Variants in METTL15 observed in about 807,000 individuals in gnomAD.
The protein encoded by METTL15 is methyltransferase 15, mitochondrial 12S rRNA N4-cytidine, also known as 12S rRNA N(4)-cytidine methyltransferase METTL15.
In METTL15, 34 loss-of-function variants were observed where a neutral mutation model predicts 38.3. That is an observed-to-expected ratio of 0.89 (90% CI 0.68 to 1.18). The LOEUF (loss-of-function observed/expected upper bound fraction) is 1.18, where lower values mean the gene tolerates loss of function less well. Ranked by LOEUF, METTL15 falls within the 50% of genes most tolerant of loss-of-function variation. The pLI, the probability that METTL15 is intolerant of heterozygous loss-of-function variation, is 0.00. For missense variants in METTL15, 438 were observed against 498.4 expected (o/e 0.88, Z 1.15); for synonymous variants, 162 against 170.9 (o/e 0.95, Z 0.41).
intron 6 of METTL15, among the ~76,000 whole-genome samples, chr11:28,486,625 A>C (rs1851441655): frequency 2.0e-5 from 3 of 152,138 alleles, no homozygotes; most frequent in Non-Finnish European, 4.4e-5. Context: ...TAGGCCATCT[A>C]TGTGGTTGCC....
At chr11:28,145,577 G>A (rs1849853166) in intron 3 of METTL15, 1 of 151,780 alleles carries the variant, frequency 6.6e-6, no homozygotes, top group African/African-American at 2.4e-5. Flanking sequence ...CTGAATAAAG[G>A]GTCTTCTTTG....
chr11:28,409,108 C>T (rs576400822), intron 5 of METTL15, among the ~76,000 whole-genome samples: 9 of 152,158 alleles, frequency 5.9e-5, no homozygotes, highest in South Asian at 4.1e-4. Flanking sequence ...TCGGGCTGGG[C>T]GCAGTGGCTC....
At chr11:28,191,297 C>T (rs1402143045) in intron 3 of METTL15, among the ~76,000 whole-genome samples, 1 of 149,780 alleles carries the variant, frequency 6.7e-6, no homozygotes, top group African/African-American at 2.4e-5. Context: ...ATTTAAATTA[C>T]CCTTTCTTTC....
chr11:28,178,986 TTTC>T (rs1339268026), intron 3 of METTL15, among the ~76,000 whole-genome samples: 1 of 151,818 alleles, frequency 6.6e-6, no homozygotes, highest in East Asian at 1.9e-4. Flanking sequence ...TCACTTGTAT[TTTC>T]TTCTTGCACT....
At chr11:28,163,251 T>A in intron 3 of METTL15, 4 of 395,866 alleles carry the variant, frequency 1.0e-5, no homozygotes, top group Non-Finnish European at 1.3e-5. Flanking sequence ...TTTTGATGAT[T>A]AATTTGTTGA....
At chr11:28,435,389 C>T (rs559007701) in intron 6 of METTL15, among the ~76,000 whole-genome samples, 3 of 152,258 alleles carry the variant, frequency 2.0e-5, no homozygotes, top group African/African-American at 7.2e-5. Flanking sequence ...GTCACTGGTC[C>T]ATGGAAACTC....
intron 6 of METTL15, among the ~76,000 whole-genome samples, chr11:28,326,615 C>T (rs546103604): frequency 1.3e-5 from 2 of 152,026 alleles, no homozygotes; most frequent in African/African-American, 4.8e-5. Context: ...CTCACTCTGT[C>T]GCCCAGGCTG....
At chr11:28,320,357 A>C (rs1283347702) in intron 6 of METTL15, among the ~76,000 whole-genome samples, 1 of 151,978 alleles carries the variant, frequency 6.6e-6, no homozygotes, top group East Asian at 1.9e-4. Flanking sequence ...TCAGGAGTTC[A>C]AGACCAGCCT....
chr11:28,421,625 T>C (rs1003298814), intron 5 of METTL15, among the ~76,000 whole-genome samples: 10 of 152,004 alleles, frequency 6.6e-5, no homozygotes, highest in Non-Finnish European at 8.8e-5. Context: ...ATCATTTCAA[T>C]TGATGTGAAA....
At chr11:28,306,923 T>C (rs1485337277) in intron 6 of METTL15, among the ~76,000 whole-genome samples, 1 of 151,970 alleles carries the variant, frequency 6.6e-6, no homozygotes, top group Non-Finnish European at 1.5e-5. Context: ...ATTTGAAAAA[T>C]TATGGAATAT....
At chr11:28,194,047 G>A (rs1183554213) in intron 3 of METTL15, among the ~76,000 whole-genome samples, 2 of 151,748 alleles carry the variant, frequency 1.3e-5, no homozygotes, top group Admixed American at 6.6e-5. Context: ...CCTTCTCCCA[G>A]TCTCCAAAAT....
chr11:28,270,221 A>AT (rs1201386740), intron 4 of METTL15, among the ~76,000 whole-genome samples: 5 of 151,994 alleles, frequency 3.3e-5, no homozygotes, highest in African/African-American at 1.2e-4. Context: ...CCGTGTTGGC[A>AT]TTTTTTTGTA....
intron 3 of METTL15, among the ~76,000 whole-genome samples, chr11:28,207,547 C>G (rs1421338453): frequency 1.3e-5 from 2 of 152,062 alleles, no homozygotes; most frequent in South Asian, 2.1e-4. Context: ...CAGGGTTCAT[C>G]AAGGATATTG....
intron 4 of METTL15, among the ~76,000 whole-genome samples, chr11:28,219,483 A>C (rs896870793): frequency 3.3e-5 from 5 of 151,802 alleles, no homozygotes; most frequent in Non-Finnish European, 5.9e-5. Flanking sequence ...GCAGTCTATC[A>C]ATTTTGTTGA....
At chr11:28,319,673 A>G (rs976928898) in intron 6 of METTL15, among the ~76,000 whole-genome samples, 3 of 152,176 alleles carry the variant, frequency 2.0e-5, no homozygotes, top group East Asian at 1.9e-4. Context: ...AACAAAATCT[A>G]CCTCTGGTAT....
At chr11:28,171,829 T>C (rs1455762161) in intron 3 of METTL15, among the ~76,000 whole-genome samples, 8 of 151,822 alleles carry the variant, frequency 5.3e-5, no homozygotes, top group African/African-American at 1.9e-4. Context: ...TATTCCTCTA[T>C]CACCCAGACT....
intron 5 of METTL15, among the ~76,000 whole-genome samples, chr11:28,369,984 C>T (rs187586701): frequency 3.3e-5 from 5 of 152,122 alleles, no homozygotes; most frequent in African/African-American, 9.6e-5. Flanking sequence ...GTACATGTAA[C>T]GATTTAATAG....
intron 4 of METTL15, among the ~76,000 whole-genome samples, chr11:28,240,047 A>G (rs977440504): frequency 6.6e-6 from 1 of 152,192 alleles, no homozygotes; most frequent in Admixed American, 6.5e-5. Flanking sequence ...CTGAAAGAGT[A>G]AAGGGATCAA....
At chr11:28,376,107 T>A (rs955297323) in intron 5 of METTL15, among the ~76,000 whole-genome samples, 1 of 152,040 alleles carries the variant, frequency 6.6e-6, no homozygotes, top group African/African-American at 2.4e-5. Flanking sequence ...AATTTTGGAA[T>A]AGGTGTGGTG....
Sources: gnomAD v4.1 joint callset for allele counts (sites outside exome capture counted in the v4.1 genomes callset) on GRCh38, gnomAD v4.1.1 for gene constraint, MANE v1.5 for transcripts, NCBI Gene and HGNC (gene_info 2026-07-23, HGNC 2026-07-21) for gene names.